HPSE2: variants seen among roughly 807,000 people sequenced by gnomAD.
HPSE2 encodes the protein heparanase 2 (inactive), also known as inactive heparanase-2.
Under a neutral mutation model 60.5 loss-of-function variants are expected in HPSE2, and 38 were observed. The observed-to-expected ratio is 0.63, with a 90% CI of 0.48 to 0.82. The LOEUF (loss-of-function observed/expected upper bound fraction) is 0.82. HPSE2 is among the 40% of genes least tolerant of loss of function. The pLI, the probability that HPSE2 is intolerant of heterozygous loss-of-function variation, is 0.00. For missense variants in HPSE2, 713 were observed against 740.4 expected (o/e 0.96, Z 0.43); for synonymous variants, 295 against 293.2 (o/e 1.01, Z -0.06).
At chr10:98,565,221 A>C (rs991423548) in intron 9 of HPSE2, among the ~76,000 whole-genome samples, 13 of 152,080 alleles carry the variant, frequency 8.5e-5, no homozygotes, top group African/African-American at 3.1e-4. Context: ...GGTTTGCTAC[A>C]TAGGTATACA....
chr10:98,547,639 A>G (rs1421063606), intron 9 of HPSE2, among the ~76,000 whole-genome samples: 1 of 114,502 alleles, frequency 8.7e-6, no homozygotes, highest in African/African-American at 3.5e-5. Flanking sequence ...GGAACATCAC[A>G]CTCTGGGGAC....
At chr10:98,617,041 T>C (rs648003) in intron 8 of HPSE2, among the ~76,000 whole-genome samples, 27,478 of 152,144 alleles carry the variant, frequency 0.18, 2,855 homozygotes, top group Admixed American at 0.24. Context: ...ATCTAACAAG[T>C]ATTTTAAAAG....
chr10:98,865,637 A>C (rs1952569213), intron 3 of HPSE2, among the ~76,000 whole-genome samples: 1 of 152,176 alleles, frequency 6.6e-6, no homozygotes, highest in African/African-American at 2.4e-5. Context: ...ACATCTCCAG[A>C]AAGTTCTCAA....
At chr10:98,597,142 A>G (rs1453297495) in intron 9 of HPSE2, among the ~76,000 whole-genome samples, 5 of 152,218 alleles carry the variant, frequency 3.3e-5, no homozygotes, top group African/African-American at 9.6e-5. Context: ...CCATGATTCA[A>G]TTACCTCCCA....
intron 7 of HPSE2, among the ~76,000 whole-genome samples, chr10:98,630,574 T>TA (rs1946342822): frequency 6.6e-6 from 1 of 152,044 alleles, no homozygotes; most frequent in South Asian, 2.1e-4. Flanking sequence ...TTCAAGCCTA[T>TA]TTCAAATGTT....
intron 2 of HPSE2, among the ~76,000 whole-genome samples, chr10:99,175,667 T>A (rs1262000107): frequency 1.3e-5 from 2 of 152,188 alleles, no homozygotes; most frequent in Non-Finnish European, 2.9e-5. Flanking sequence ...ACAGAGCACC[T>A]GGGAGAAGGG....
intron 9 of HPSE2, among the ~76,000 whole-genome samples, chr10:98,506,476 G>T (rs1487400617): frequency 1.3e-5 from 2 of 151,808 alleles, no homozygotes; most frequent in African/African-American, 4.8e-5. Context: ...ACAAGGTCTT[G>T]CTTTGCTGCC....
intron 11 of HPSE2, among the ~76,000 whole-genome samples, chr10:98,466,471 C>T (rs1413221475): frequency 2.0e-5 from 3 of 151,984 alleles, no homozygotes; most frequent in Non-Finnish European, 4.4e-5. Context: ...AATTAACGGG[C>T]GTGGTGGTAG....
At chr10:98,968,963 A>C (rs1955882226) in intron 3 of HPSE2, among the ~76,000 whole-genome samples, 1 of 152,188 alleles carries the variant, frequency 6.6e-6, no homozygotes, top group South Asian at 2.1e-4. Flanking sequence ...ATGTAACCCA[A>C]AACTGCCTGA....
At chr10:98,610,707 C>T (rs775691572) in intron 9 of HPSE2, among the ~76,000 whole-genome samples, 1 of 152,138 alleles carries the variant, frequency 6.6e-6, no homozygotes, top group Non-Finnish European at 1.5e-5. Flanking sequence ...AAATTGTAGT[C>T]CCACAAACAC....
At chr10:98,814,849 A>G (rs2134586187) in intron 3 of HPSE2, among the ~76,000 whole-genome samples, 1 of 152,348 alleles carries the variant, frequency 6.6e-6, no homozygotes, top group East Asian at 1.9e-4. Context: ...ATCCAATATA[A>G]TTTGTTATTA....
intron 9 of HPSE2, among the ~76,000 whole-genome samples, chr10:98,500,796 G>A (rs1022887322): frequency 6.6e-6 from 1 of 151,896 alleles, no homozygotes; most frequent in African/African-American, 2.4e-5. Flanking sequence ...ACCAAGAAAA[G>A]AAGAAAAGAA....
chr10:99,137,344 A>G (rs1845698035), intron 3 of HPSE2, among the ~76,000 whole-genome samples: 1 of 152,220 alleles, frequency 6.6e-6, no homozygotes, highest in Non-Finnish European at 1.5e-5. Context: ...TCAATGCTAT[A>G]TCCCCATCAA....
At chr10:98,517,821 G>A (rs1378880699) in intron 9 of HPSE2, among the ~76,000 whole-genome samples, 1 of 152,182 alleles carries the variant, frequency 6.6e-6, no homozygotes, top group South Asian at 2.1e-4. Flanking sequence ...ACTGCTCTGA[G>A]ATCCAAGTTC....
intron 3 of HPSE2, among the ~76,000 whole-genome samples, chr10:99,051,886 T>A (rs1306199575): frequency 6.6e-6 from 1 of 151,568 alleles, no homozygotes; most frequent in Non-Finnish European, 1.5e-5. Flanking sequence ...TCTAGAAAAG[T>A]GTAAAATAAA....
intron 9 of HPSE2, among the ~76,000 whole-genome samples, chr10:98,587,937 G>A: frequency 6.6e-6 from 1 of 152,142 alleles, no homozygotes; most frequent in Admixed American, 6.5e-5. Flanking sequence ...AGCTAATTCA[G>A]TTTTCATTCT....
the HPSE2 span, among the ~76,000 whole-genome samples, chr10:99,245,455 C>A: frequency 1.3e-5 from 2 of 152,208 alleles, no homozygotes; most frequent in South Asian, 2.1e-4. Context: ...CTATTCTACA[C>A]CTAATTTAGA....
At chr10:98,993,837 C>T (rs1956582822) in intron 3 of HPSE2, among the ~76,000 whole-genome samples, 1 of 152,176 alleles carries the variant, frequency 6.6e-6, no homozygotes, top group Non-Finnish European at 1.5e-5. Context: ...TTTCTGATTT[C>T]ATAATTTTGA....
At chr10:99,060,658 CAAAAAAAAAAAAAAA>C (rs35034456) in intron 3 of HPSE2, among the ~76,000 whole-genome samples, 1 of 47,772 alleles carries the variant, frequency 2.1e-5, no homozygotes, top group East Asian at 7.2e-4. Context: ...AACTCTGTCT[CAAAAAAAAAAAAAAA>C]AAAAAAAAAA....
Sources: gnomAD v4.1 joint callset for allele counts (sites outside exome capture counted in the v4.1 genomes callset) on GRCh38, gnomAD v4.1.1 for gene constraint, MANE v1.5 for transcripts, NCBI Gene and HGNC (gene_info 2026-07-23, HGNC 2026-07-21) for gene names.